Variants in SERPINF2 observed in about 807,000 individuals in gnomAD.
The protein encoded by SERPINF2 is serpin family F member 2.
In SERPINF2, 15 loss-of-function variants were observed where a neutral mutation model predicts 45.0. That is an observed-to-expected ratio of 0.33 (90% CI 0.22 to 0.51). The LOEUF is 0.51. Ranked by LOEUF, SERPINF2 falls within the 20% of genes least tolerant of loss-of-function variation. The pLI, the probability that SERPINF2 is intolerant of heterozygous loss-of-function variation, is 0.97. For missense variants in SERPINF2, 518 were observed against 637.4 expected, an observed-to-expected ratio of 0.81 and a Z score of 2.02; for synonymous variants, 283 against 277.9, an observed-to-expected ratio of 1.02 and a Z score of -0.18.
chr17:1,747,869 G>T (rs1012335904), intron 7 of SERPINF2, among the ~76,000 whole-genome samples: 1 of 151,548 alleles, frequency 6.6e-6, no homozygotes, highest in Admixed American at 6.6e-5. Flanking sequence ...CGGCCATGCA[G>T]GCTTTGTTCT....
chr17:1,750,364 G>A (rs1033394323), intron 8 of SERPINF2, among the ~76,000 whole-genome samples: 3 of 151,856 alleles, frequency 2.0e-5, no homozygotes, highest in Non-Finnish European at 4.4e-5. Flanking sequence ...GGCCAGGATG[G>A]TCTCAATCTC....
intron 1 of SERPINF2, among the ~76,000 whole-genome samples, chr17:1,743,793 C>A (rs1255173932): frequency 6.6e-6 from 1 of 150,846 alleles, no homozygotes; most frequent in Non-Finnish European, 1.5e-5. Flanking sequence ...TGGAGCTCTG[C>A]GGTGGAGGCT....
chr17:1,743,896 T>C (rs1905538147), intron 1 of SERPINF2, among the ~76,000 whole-genome samples: 1 of 151,154 alleles, frequency 6.6e-6, no homozygotes, highest in Admixed American at 6.6e-5. Flanking sequence ...TTTACAAAGA[T>C]GGTCTTATTT....
chr17:1,747,827 G>A (rs1232639135), intron 7 of SERPINF2, among the ~76,000 whole-genome samples: 1 of 151,610 alleles, frequency 6.6e-6, no homozygotes, highest in Non-Finnish European at 1.5e-5. Flanking sequence ...GCCTCCCAAA[G>A]TGCTGGGATT....
intron 9 of SERPINF2, 95 bp from the exon 10 acceptor site, chr17:1,754,027 G>C: frequency 1.2e-5 from 17 of 1,449,128 alleles, no homozygotes; most frequent in Non-Finnish European, 1.5e-5. Flanking sequence ...AGTTCAAGCT[G>C]TTCCCTGGCC....
In SERPINF2 at chr17:1,754,117, G is replaced by A; in HGVS notation, c.1064-5G>A. The A allele has an allele frequency of 6.2e-7, 1 of 1,603,686 alleles. No homozygotes were observed. Among genetic ancestry groups the A allele is most frequent in the African/African-American group, 1.3e-5 (1 of 75,038 alleles). Reference sequence around the variant, plus strand: ...CTCTGACCAGCCATCTCTGGCCCTGGGCAGGCCTGCAGGAGTTGTTCCAGG... The same window carrying A: ...CTCTGACCAGCCATCTCTGGCCCTGAGCAGGCCTGCAGGAGTTGTTCCAGG... On this transcript the variant is annotated splice_polypyrimidine_tract_variant and splice_region_variant and intron_variant, in intron 9 of 9. Transcript: ENST00000453066.
chr17:1,744,936 TC>T, intron 1 of SERPINF2, 55 bp from the exon 2 acceptor site: 1 of 1,611,492 alleles, frequency 6.2e-7, no homozygotes, highest in African/African-American at 1.3e-5. Flanking sequence ...TGGGTAGGAT[TC>T]CCTGGCGGGC....
In SERPINF2 at chr17:1,754,528, C is replaced by G; in HGVS notation, c.1470C>G (p.Pro490=). ...MEEDYPQFGS[P]K is the part of the protein sequence containing the mutation. Reference sequence around the variant, plus strand: ...AGGATTACCCCCAGTTTGGCAGCCCCAAGTGAGGGGCCGTGGCTGTGGCAT... The same window carrying G: ...AGGATTACCCCCAGTTTGGCAGCCCGAAGTGAGGGGCCGTGGCTGTGGCAT... The change falls in exon 10 of 10, where the codon CCC becomes CCG. Residue 490 remains proline (P), a synonymous_variant. Transcript: ENST00000453066. 1 of 1,608,714 alleles carries G rather than the reference C, an allele frequency of 6.2e-7. No homozygotes were observed.
chr17:1,749,361 G>A (rs1234043373), intron 8 of SERPINF2, among the ~76,000 whole-genome samples: 1 of 152,170 alleles, frequency 6.6e-6, no homozygotes, highest in Admixed American at 6.5e-5. Context: ...GGAGGGAAAG[G>A]TTGCAGTGAG....
chr17:1,746,926 G>A lies in SERPINF2; in HGVS notation c.368-93G>A, dbSNP rs562517858. On this transcript the variant is annotated intron_variant, in intron 5 of 9. Transcript: ENST00000453066. ...AAGGATGGCGTGTGGTCCCGTGGACGTCCTCGTCACGGGTATCCAGGAGGG... is the reference window on the plus strand; with the variant it reads ...AAGGATGGCGTGTGGTCCCGTGGACATCCTCGTCACGGGTATCCAGGAGGG... The A allele has an allele frequency of 5.9e-5, 88 of 1,485,030 alleles. No individual in the cohort carries two copies. In the African/African-American group the frequency reaches 8.5e-4, roughly 14 times the overall value. 92.0% of individuals were successfully genotyped at this position (1,485,030 alleles called of 1,614,324 possible).
At position 1,747,036 on chromosome 17, in the gene SERPINF2, T is replaced by C. The variant is rs1905892869; in HGVS notation, c.385T>C (p.Leu129=). 2 of 1,606,662 alleles carry C rather than the reference T, an allele frequency of 1.2e-6. No individual in the cohort carries two copies. The highest frequency in any genetic ancestry group is 1.7e-6 in the Non-Finnish European group (2 of 1,179,890). Residue 129 remains leucine, a synonymous_variant, in exon 6 of 10, where the codon TTG becomes CTG. Transcript: ENST00000453066. ...HLALGAQNHT[L]QRLQQVLHAG... Reference sequence around the variant, plus strand: ...CCCTCCAGGTGCTCAGAACCACACGTTGCAGAGGCTGCAACAGGTGCTGCA... The same window carrying C: ...CCCTCCAGGTGCTCAGAACCACACGCTGCAGAGGCTGCAACAGGTGCTGCA...
rs773966273 is a variant in SERPINF2, at chr17:1,745,251, C to A, written c.102+38C>A. On this transcript the variant is annotated intron_variant, in intron 3 of 9. Coordinates refer to ENST00000453066, the MANE Select transcript of SERPINF2 (RefSeq NM_000934.4). This position sits in a 1 kb window ranked among gnomAD's most constrained non-coding sequence, Gnocchi z 6.2. ...GAGGAGCCTGTGATGGGGGGAAGGT[C>A]CCGGGGGTCTCACTGGTGGCTTGGG... 1.3e-6 allele frequency: 2 copies of A among 1,589,804 alleles called. No homozygotes were observed. The highest frequency in any genetic ancestry group is 2.3e-5 in the South Asian group (2 of 88,430).
In SERPINF2 at chr17:1,748,644, C is replaced by T. The variant is rs199725488; in HGVS notation, c.762C>T (p.Ser254=). The T allele has an allele frequency of 2.8e-5, 45 of 1,614,090 alleles. No homozygotes were observed. The highest frequency in any genetic ancestry group is 3.8e-5 in the Non-Finnish European group (45 of 1,180,000). ...ACCCGAGCCTTACCCAGAGAGACTC[C>T]TTCCACCTGGACGAGCAGTTCACGG... The part of the protein sequence containing the change: ...KFDPSLTQRD[S]FHLDEQFTVP... The change falls in exon 8 of 10, where the codon TCC becomes TCT. Residue 254 remains serine (S), a synonymous_variant. Transcript: ENST00000453066.
At chr17:1,748,302 T>TAA (rs552756412) in intron 7 of SERPINF2, among the ~76,000 whole-genome samples, 3 of 140,910 alleles carry the variant, frequency 2.1e-5, no homozygotes, top group Non-Finnish European at 3.1e-5. Context: ...AGACTCCGTC[T>TAA]AAAAAAAAAA....
Position 1,745,456 on chromosome 17 carries a change from A to T in SERPINF2, c.165+61A>T. ...GCTAGAGGGAGGAGGGCCCATCGGC[A>T]GGGGTCGGGGGGTGGGGGCGCGTGC... On this transcript the variant is annotated intron_variant, in intron 4 of 9. Transcript: ENST00000453066. This position sits in a 1 kb window ranked among gnomAD's most constrained non-coding sequence, Gnocchi z 6.2. The T allele has an allele frequency of 1.5e-4, 21 of 142,050 alleles. No homozygotes were observed. Among genetic ancestry groups the T allele is most frequent in the Non-Finnish European group, 2.3e-4 (18 of 77,800 alleles). 8.8% of individuals were successfully genotyped at this position (142,050 alleles called of 1,614,324 possible).
intron 9 of SERPINF2, among the ~76,000 whole-genome samples, chr17:1,753,685 C>CA (rs201383127): frequency 2.0e-5 from 3 of 151,112 alleles, no homozygotes; most frequent in Admixed American, 6.6e-5. Context: ...GACTCCATCT[C>CA]AAAAAAAAAT....
rs975892479 is a variant in SERPINF2, at chr17:1,752,050, T to A, written c.859-536T>A. On this transcript the variant is annotated intron_variant, in intron 8 of 9. Transcript: ENST00000453066. ...TGTGACAGCGGACACTGCTACAATG[T>A]TGTTTTTTTTCTTTTTTTGAGACGG... Among the ~76,000 whole-genome samples, 6 of 137,706 alleles carry A rather than the reference T, an allele frequency of 4.4e-5. 1 individual carries two copies. Among genetic ancestry groups the A allele is most frequent in the African/African-American group, 1.5e-4 (6 of 40,608 alleles). The allele number at this position is 137,706 out of a possible 152,430, so 90.3% of individuals were successfully genotyped here. A position where few individuals can be genotyped will look rare whatever the true frequency, so the allele number is the denominator to read the frequency against.
intron 1 of SERPINF2, chr17:1,744,485 C>G: frequency 1.1e-6 from 1 of 947,824 alleles, no homozygotes; most frequent in African/African-American, 1.8e-5. Flanking sequence ...GAGAGCGAAA[C>G]TCCGTCTCAA....
intron 9 of SERPINF2, among the ~76,000 whole-genome samples, chr17:1,753,126 T>TGGGTG (rs999073839): frequency 6.6e-6 from 1 of 152,156 alleles, no homozygotes. Flanking sequence ...AAAGAAATGC[T>TGGGTG]GGGTGGAGTG....
Sources: allele counts gnomAD v4.1 joint callset (sites outside exome capture counted in the v4.1 genomes callset), GRCh38; gene constraint gnomAD v4.1.1; non-coding constraint Gnocchi (gnomAD v3.1); transcripts MANE v1.5; gene names NCBI Gene and HGNC (gene_info 2026-07-23, HGNC 2026-07-21).